GPR89B: variants seen among roughly 807,000 people sequenced by gnomAD.
GPR89B encodes G protein-coupled receptor 89B.
In GPR89B, 25 loss-of-function variants were observed where a neutral mutation model predicts 52.4. The ratio of observed to expected loss-of-function variants is 0.48; its 90% CI spans 0.35 to 0.67. GPR89B has a LOEUF of 0.67. Ranked by LOEUF, GPR89B falls within the 30% of genes least tolerant of loss-of-function variation. The pLI is 0.01. For missense variants in GPR89B, 146 were observed against 450.2 expected, an observed-to-expected ratio of 0.32 and a Z score of 6.11; for synonymous variants, 52 against 151.2, an observed-to-expected ratio of 0.34 and a Z score of 4.81.
At chr1:147,984,671 A>G (rs1404305732) in intron 10 of GPR89B, among the ~76,000 whole-genome samples, 1 of 149,460 alleles carries the variant, frequency 6.7e-6, no homozygotes, top group Non-Finnish European at 1.5e-5. Flanking sequence ...ATTTCTTGCT[A>G]TGTACTGCTA....
At chr1:147,994,576 A>C (rs1481298325), downstream of GPR89B, among the ~76,000 whole-genome samples, 12 of 152,190 alleles carry the variant, frequency 7.9e-5, no homozygotes, top group Non-Finnish European at 1.5e-4. Context: ...CAGATGATCT[A>C]GGTATGACTA....
intron 5 of GPR89B, among the ~76,000 whole-genome samples, chr1:147,947,224 A>G (rs1553249935): frequency 6.6e-6 from 1 of 150,610 alleles, no homozygotes; most frequent in Non-Finnish European, 1.5e-5. Flanking sequence ...AATCCCAGCT[A>G]CTCCCCGGAG....
chr1:147,945,652 T>G (rs1372214217), intron 5 of GPR89B, among the ~76,000 whole-genome samples: 3 of 152,234 alleles, frequency 2.0e-5, no homozygotes, highest in African/African-American at 7.2e-5. Context: ...AGGTGGCGTA[T>G]GAGACCTTTC....
chr1:147,988,400 T>G (rs1658817498), intron 11 of GPR89B, 32 bp from the exon 12 acceptor site: 2 of 1,340,342 alleles, frequency 1.5e-6, no homozygotes, highest in South Asian at 2.3e-5. Flanking sequence ...GAACAGAGAT[T>G]TAGCAGATAT....
At chr1:147,955,236 TTC>T (rs1656031675) in intron 7 of GPR89B, among the ~76,000 whole-genome samples, 2 of 152,026 alleles carry the variant, frequency 1.3e-5, no homozygotes, top group East Asian at 1.9e-4. Context: ...ATGAAAGAAT[TTC>T]CTTCCTTAAG....
At chr1:148,002,627 T>A in the GPR89B span, among the ~76,000 whole-genome samples, 1 of 152,116 alleles carries the variant, frequency 6.6e-6, no homozygotes, top group East Asian at 1.9e-4. Flanking sequence ...CCCAAGACAT[T>A]ATAGGCTGGT....
At chr1:148,025,575 C>T in the GPR89B span, among the ~76,000 whole-genome samples, 2 of 135,872 alleles carry the variant, frequency 1.5e-5, no homozygotes, top group East Asian at 4.7e-4. Flanking sequence ...GTCCCTATTG[C>T]TTGGTGTTAT....
At chr1:147,978,194 A>ATGT (rs1364094304) in intron 10 of GPR89B, among the ~76,000 whole-genome samples, 1 of 150,750 alleles carries the variant, frequency 6.6e-6, no homozygotes, top group Non-Finnish European at 1.5e-5. Context: ...TTTTTTGTTG[A>ATGT]TGTTGTTGTT....
intron 10 of GPR89B, among the ~76,000 whole-genome samples, chr1:147,970,555 ATCTCTC>A (rs1200595357): frequency 1.3e-4 from 10 of 76,548 alleles, no homozygotes; most frequent in Non-Finnish European, 1.7e-4. Flanking sequence ...CTCTCTCTCT[ATCTCTC>A]TCTCTCTCTA....
At chr1:148,013,974 C>A in the GPR89B span, among the ~76,000 whole-genome samples, 2 of 151,618 alleles carry the variant, frequency 1.3e-5, no homozygotes, top group Non-Finnish European at 2.9e-5. Context: ...GAGCAGCCGC[C>A]TTGTTCCTGG....
intron 10 of GPR89B, among the ~76,000 whole-genome samples, chr1:147,980,041 A>G (rs1254465757): frequency 6.6e-6 from 1 of 150,928 alleles, no homozygotes; most frequent in African/African-American, 2.4e-5. Context: ...AGCTATTATC[A>G]CGCCGCTGCA....
the GPR89B span, among the ~76,000 whole-genome samples, chr1:148,012,922 G>C: frequency 6.6e-6 from 1 of 152,074 alleles, no homozygotes; most frequent in East Asian, 1.9e-4. Flanking sequence ...ATTTTTTATT[G>C]TAAAATAGCA....
At chr1:147,982,852 G>A (rs1230100759) in intron 10 of GPR89B, among the ~76,000 whole-genome samples, 4 of 152,042 alleles carry the variant, frequency 2.6e-5, no homozygotes, top group Non-Finnish European at 5.9e-5. Flanking sequence ...TCCTTGAAGA[G>A]GTCCTTCGCG....
At chr1:148,002,501 G>A in the GPR89B span, among the ~76,000 whole-genome samples, 44 of 152,224 alleles carry the variant, frequency 2.9e-4, no homozygotes, top group African/African-American at 1.0e-3. Flanking sequence ...GAATGAGCAT[G>A]GGCTTTGGAA....
At position 147,936,614 on chromosome 1, in the gene GPR89B, C is replaced by T; in HGVS notation, c.43-13C>T. The T allele has an allele frequency of 6.2e-7, 1 of 1,609,086 alleles. No homozygotes were observed. The highest frequency in any genetic ancestry group is 1.7e-4 in the Middle Eastern group (1 of 6,050). On this transcript the variant is annotated splice_polypyrimidine_tract_variant and intron_variant, in intron 1 of 13. Coordinates refer to ENST00000314163, the MANE Select transcript of GPR89B (RefSeq NM_016334.5). ...AAAATATGTATTGACATTCTATCTT[C>T]TTTCTCCTCCAGATACTATTTTTTG...
intron 7 of GPR89B, among the ~76,000 whole-genome samples, chr1:147,963,660 A>G (rs1179514693): frequency 6.6e-6 from 1 of 152,102 alleles, no homozygotes; most frequent in Non-Finnish European, 1.5e-5. Flanking sequence ...CACACCTATC[A>G]GAATAGCTAA....
At chr1:148,011,125 A>G in the GPR89B span, 1 of 152,156 alleles carries the variant, frequency 6.6e-6, no homozygotes, top group Non-Finnish European at 1.5e-5. Flanking sequence ...CTCCCGGCCA[A>G]AGCAGGCCTT....
At chr1:147,975,402 A>G (rs1657763493) in intron 10 of GPR89B, among the ~76,000 whole-genome samples, 1 of 144,960 alleles carries the variant, frequency 6.9e-6, no homozygotes, top group Non-Finnish European at 1.5e-5. Context: ...GGGAGGGTGT[A>G]TGTGTCCAAG....
At chr1:147,980,830 A>AG (rs1311373868) in intron 10 of GPR89B, among the ~76,000 whole-genome samples, 3 of 147,610 alleles carry the variant, frequency 2.0e-5, no homozygotes, top group Admixed American at 2.0e-4. Context: ...AAAAAAAAAA[A>AG]AAAAAAAAAA....
Sources: allele counts gnomAD v4.1 joint callset (sites outside exome capture counted in the v4.1 genomes callset), GRCh38; gene constraint gnomAD v4.1.1; transcripts MANE v1.5; gene names NCBI Gene and HGNC (gene_info 2026-07-23, HGNC 2026-07-21).